Variants in ZNF280D observed in about 807,000 individuals in gnomAD.
ZNF280D encodes the protein suppressor of hairy wing homolog 4.
ZNF280D carries 39 observed loss-of-function variants against 94.7 expected under a neutral mutation model. That is an observed-to-expected ratio of 0.41 (90% CI 0.32 to 0.54). ZNF280D has a LOEUF of 0.54. Among genes scored for constraint, ZNF280D ranks in the 20% least tolerant of loss-of-function variants. The pLI is 0.22. For synonymous variants in ZNF280D, 398 were observed against 377.6 expected, an observed-to-expected ratio of 1.05 and a Z score of -0.63; for missense variants, 1,090 against 1,149.3, an observed-to-expected ratio of 0.95 and a Z score of 0.75.
At chr15:56,692,318 G>C (rs952891431) in intron 7 of ZNF280D, among the ~76,000 whole-genome samples, 7 of 151,936 alleles carry the variant, frequency 4.6e-5, no homozygotes, top group African/African-American at 1.2e-4. Flanking sequence ...AACTGGGAGA[G>C]GGTTTGGTAA....
intron 1 of ZNF280D, chr15:56,733,058 G>A (rs1368284964): frequency 2.0e-5 from 3 of 152,488 alleles, no homozygotes; most frequent in African/African-American, 7.2e-5. Flanking sequence ...GTGGTGTGAG[G>A]ACCATGGGTC....
intron 9 of ZNF280D, among the ~76,000 whole-genome samples, chr15:56,688,288 C>T (rs1016980619): frequency 4.0e-5 from 6 of 151,734 alleles, no homozygotes; most frequent in African/African-American, 1.5e-4. Context: ...GTCAGGAGAT[C>T]GAGACCATCC....
At position 56,630,946 on chromosome 15, in the gene ZNF280D, C is replaced by A. The variant is rs1303800737; in HGVS notation, c.*552G>T. 1 of 152,604 alleles carries A rather than the reference C, an allele frequency of 6.6e-6. No individual in the cohort carries two copies. Among genetic ancestry groups the A allele is most frequent in the African/African-American group, 2.4e-5 (1 of 41,422 alleles). The allele number at this position is 152,604 out of a possible 1,614,324, so 9.5% of individuals were successfully genotyped here. ...TTAAATCCAAAATTAAGTTTATGTT[C>A]ATCCAAATTCTCATTAGATCAATTT... On this transcript the variant is annotated 3_prime_UTR_variant, in exon 22 of 22. Transcript: ENST00000267807.
At chr15:56,671,353 A>G (rs1161791806) in intron 13 of ZNF280D, among the ~76,000 whole-genome samples, 1 of 152,112 alleles carries the variant, frequency 6.6e-6, no homozygotes, top group Non-Finnish European at 1.5e-5. Flanking sequence ...ATTTTGGTGT[A>G]TGATGTAAGG....
At position 56,635,228 on chromosome 15, in the gene ZNF280D, G is replaced by C; in HGVS notation, c.2282C>G (p.Ala761Gly). The C allele has an allele frequency of 1.9e-6, 3 of 1,551,888 alleles. No homozygotes were observed. Among genetic ancestry groups the C allele is most frequent in the South Asian group, 2.5e-5 (2 of 81,016 alleles). Residue 761 changes from alanine (A) to glycine (G), a missense_variant, in exon 21 of 22, where the codon GCT becomes GGT. Ala to Gly is a moderately conservative substitution (Grantham distance 60, BLOSUM62 0). Coordinates refer to ENST00000267807, the MANE Select transcript of ZNF280D (RefSeq NM_017661.4). ...VSKEIARPNM[A>G]ERETETSNSE... ...ATTTGATGTTTCTGTTTCTCTTTCA[G>C]CCATGTTAGGTCTTGCAATTTCCTG... is the stretch of plus-strand genomic sequence containing the variant.
chr15:56,691,763 T>G (rs1257815094), intron 7 of ZNF280D, among the ~76,000 whole-genome samples: 1 of 152,184 alleles, frequency 6.6e-6, no homozygotes, highest in Non-Finnish European at 1.5e-5. Context: ...TGTCAAGTCT[T>G]TTAAAGCTTA....
chr15:56,684,610 G>C (rs1275792911), intron 9 of ZNF280D, among the ~76,000 whole-genome samples: 1 of 151,534 alleles, frequency 6.6e-6, no homozygotes, highest in African/African-American at 2.4e-5. Context: ...AAGGGTGAAA[G>C]TATTGGAAAA....
At chr15:56,658,006 T>C (rs1287511425) in intron 17 of ZNF280D, among the ~76,000 whole-genome samples, 1 of 152,208 alleles carries the variant, frequency 6.6e-6, no homozygotes, top group African/African-American at 2.4e-5. Context: ...ACAATGGGTT[T>C]TGCAGCAATT....
intron 9 of ZNF280D, among the ~76,000 whole-genome samples, chr15:56,683,884 T>C (rs954840930): frequency 2.6e-5 from 4 of 152,088 alleles, no homozygotes; most frequent in Non-Finnish European, 4.4e-5. Context: ...GAAGCCAACA[T>C]CGGGCAGATG....
At position 56,701,372 on chromosome 15, in the gene ZNF280D, T is replaced by C. The variant is rs1038281616; in HGVS notation, c.176-134A>G. 8 of 600,350 alleles carry C rather than the reference T, an allele frequency of 1.3e-5. No homozygotes were observed. In the South Asian group the frequency reaches 1.7e-4, roughly 12 times the overall value. 37.2% of individuals were successfully genotyped at this position (600,350 alleles called of 1,614,324 possible). On this transcript the variant is annotated intron_variant, in intron 4 of 21. Transcript: ENST00000267807. ...ATAACTAATCACTGATTTAAGAATA[T>C]AGTTCATTTTAAACACATACATCTT...
intron 1 of ZNF280D, among the ~76,000 whole-genome samples, chr15:56,719,305 T>C (rs2058212118): frequency 6.6e-6 from 1 of 151,768 alleles, no homozygotes; most frequent in Non-Finnish European, 1.5e-5. Flanking sequence ...TTTCAGTCTA[T>C]TAGTTCCCAC....
intron 6 of ZNF280D, 70 bp from the exon 7 acceptor site, chr15:56,693,285 ATT>A: frequency 2.3e-6 from 1 of 433,766 alleles, no homozygotes. Context: ...ATAATTATAT[ATT>A]ATGTAATTTT....
intron 6 of ZNF280D, chr15:56,700,658 C>A: frequency 1.4e-6 from 2 of 1,379,954 alleles, no homozygotes; most frequent in Non-Finnish European, 9.4e-7. Flanking sequence ...TTATGGCTGA[C>A]TATAATTTTA....
chr15:56,719,886 TAAAAAAAAAAAA>T (rs35398429), intron 1 of ZNF280D, among the ~76,000 whole-genome samples: 1 of 101,726 alleles, frequency 9.8e-6, no homozygotes, highest in African/African-American at 3.7e-5. Flanking sequence ...ACTTTATTGC[TAAAAAAAAAAAA>T]AAAAAAAAAA....
In ZNF280D at chr15:56,683,340, T is replaced by C. The variant is rs375775535; in HGVS notation, c.781-863A>G. Among the ~76,000 whole-genome samples the C allele has an allele frequency of 2.6e-5, 4 of 151,988 alleles. No individual in the cohort carries two copies. In the East Asian group the frequency reaches 7.7e-4, roughly 29 times the overall value. On this transcript the variant is annotated intron_variant, in intron 9 of 21. Transcript: ENST00000267807. ...AAAAACAAATAAGCACCTTAAGAGA[T>C]GAGAACCAAGCTTAGATTTAAGGTT...
At chr15:56,657,737 T>G (rs2053644470) in intron 17 of ZNF280D, among the ~76,000 whole-genome samples, 1 of 152,138 alleles carries the variant, frequency 6.6e-6, no homozygotes, top group Admixed American at 6.5e-5. Context: ...TTGGCAAATA[T>G]GTGGAGAAAT....
rs375425863 is a variant in ZNF280D at position 56,701,039 on chromosome 15, T to C, written c.275A>G (p.His92Arg). Residue 92 changes from histidine to arginine, a missense_variant, in exon 6 of 22, where the codon CAC becomes CGC. His to Arg is a conservative substitution (Grantham distance 29, BLOSUM62 0). Around this residue, in one of 3 missense-constraint regions of ZNF280D, gnomAD observed 386 missense variants for 372.0 expected, o/e 1.04. Transcript: ENST00000267807. ...TGGATTTGATGTTGGATTCGTGTAGTGTTGACTTGTAGGCTTGAATGCAGC... is the reference window on the plus strand; with the variant it reads ...TGGATTTGATGTTGGATTCGTGTAGCGTTGACTTGTAGGCTTGAATGCAGC... Reference protein sequence around the residue: ...ITAAFKPTSQHYTNPTSNPVP... With the variant: ...ITAAFKPTSQRYTNPTSNPVP... 1 of 1,613,888 alleles carries C rather than the reference T, an allele frequency of 6.2e-7. No individual in the cohort carries two copies. Among genetic ancestry groups the C allele is most frequent in the Non-Finnish European group, 8.5e-7 (1 of 1,179,808 alleles).
Position 56,733,445 on chromosome 15 carries a change from G to A in ZNF280D, c.-86+13C>T. ...CTGCAGCGCAGGGCGGGCGGGGGCG[G>A]GGGGGCGCTTACCGTGAGCGGAGCG... On this transcript the variant is annotated intron_variant, in intron 1 of 21. Transcript: ENST00000267807. 1 of 1,062,660 alleles carries A rather than the reference G, an allele frequency of 9.4e-7. No homozygotes were observed. The highest frequency in any genetic ancestry group is 1.1e-6 in the Non-Finnish European group (1 of 874,544). The allele number at this position is 1,062,660 out of a possible 1,614,324, so 65.8% of individuals were successfully genotyped here. A position where few individuals can be genotyped will look rare whatever the true frequency, so the allele number is the denominator to read the frequency against.
chr15:56,639,440 A>G (rs1332358946), intron 20 of ZNF280D, among the ~76,000 whole-genome samples: 1 of 152,142 alleles, frequency 6.6e-6, no homozygotes, highest in East Asian at 1.9e-4. Context: ...AGAAATCTCC[A>G]AACTCCAAAG....
Sources: gnomAD v4.1 joint callset for allele counts (sites outside exome capture counted in the v4.1 genomes callset) on GRCh38, gnomAD v4.1.1 for gene constraint, gnomAD v4.1.1 regional missense constraint, MANE v1.5 for transcripts, NCBI Gene and HGNC (gene_info 2026-07-23, HGNC 2026-07-21) for gene names.